MED13L: variants seen among roughly 807,000 people sequenced by gnomAD.
The protein encoded by MED13L is mediator of RNA polymerase II transcription subunit 13-like.
MED13L carries 7 observed loss-of-function variants against 220.9 expected under a neutral mutation model. The ratio of observed to expected loss-of-function variants is 0.03; its 90% CI spans 0.02 to 0.06. The LOEUF is 0.06. Ranked by LOEUF, MED13L falls within the 10% of genes least tolerant of loss-of-function variation. MED13L has a pLI of 1.00. For synonymous variants in MED13L, 1,011 were observed against 1,015.2 expected, an observed-to-expected ratio of 1.00 and a Z score of 0.08; for missense variants, 1,965 against 2,760.5, an observed-to-expected ratio of 0.71 and a Z score of 6.46.
chr12:116,031,290 T>C (rs1031533697), intron 4 of MED13L, among the ~76,000 whole-genome samples: 2 of 151,688 alleles, frequency 1.3e-5, no homozygotes, highest in South Asian at 2.1e-4. Flanking sequence ...GTATAAAAAT[T>C]AGAAAGGGGC....
chr12:116,105,865 T>C (rs1443045024), intron 3 of MED13L, among the ~76,000 whole-genome samples: 1 of 152,210 alleles, frequency 6.6e-6, no homozygotes, highest in Non-Finnish European at 1.5e-5. Context: ...GATGATACCT[T>C]GTTATGCATT....
At chr12:115,998,512 T>A (rs925175838) in intron 14 of MED13L, among the ~76,000 whole-genome samples, 2 of 152,226 alleles carry the variant, frequency 1.3e-5, no homozygotes, top group African/African-American at 4.8e-5. Context: ...ACTTCCCCCC[T>A]TGGGGCCTTG....
intron 2 of MED13L, among the ~76,000 whole-genome samples, chr12:116,184,616 T>A (rs929063433): frequency 4.6e-5 from 7 of 152,162 alleles, no homozygotes; most frequent in Non-Finnish European, 8.8e-5. Flanking sequence ...ATGTGAACAG[T>A]CTACGGAGAT....
chr12:115,979,685 T>C (rs1877192979), intron 23 of MED13L, among the ~76,000 whole-genome samples: 1 of 152,214 alleles, frequency 6.6e-6, no homozygotes, highest in Non-Finnish European at 1.5e-5. Context: ...CAACTAAAAA[T>C]AGCAATTGGT....
chr12:116,188,782 C>T (rs964638497), intron 2 of MED13L, among the ~76,000 whole-genome samples: 2 of 152,118 alleles, frequency 1.3e-5, no homozygotes, highest in Non-Finnish European at 2.9e-5. Flanking sequence ...TTTGCTGTAT[C>T]TTTGTCATTT....
At chr12:116,051,802 T>C (rs958594575) in intron 4 of MED13L, among the ~76,000 whole-genome samples, 1 of 152,214 alleles carries the variant, frequency 6.6e-6, no homozygotes, top group Non-Finnish European at 1.5e-5. Context: ...TTTCCACTTA[T>C]GACATCATGT....
chr12:116,219,769 AGT>A (rs1491161184), intron 2 of MED13L, among the ~76,000 whole-genome samples: 1 of 152,096 alleles, frequency 6.6e-6, no homozygotes, highest in East Asian at 1.9e-4. Context: ...TTCTTACCAA[AGT>A]AAGTTCAACT....
intron 3 of MED13L, among the ~76,000 whole-genome samples, chr12:116,097,429 AGCCATCATG>A (rs574050177): frequency 2.6e-3 from 403 of 152,290 alleles, no homozygotes; most frequent in African/African-American, 9.4e-3. Flanking sequence ...TATAGGTGTG[AGCCATCATG>A]CCCAGCCCAT....
chr12:116,054,173 T>TA (rs1485787838), intron 4 of MED13L, among the ~76,000 whole-genome samples: 2 of 151,524 alleles, frequency 1.3e-5, no homozygotes, highest in Admixed American at 6.6e-5. Context: ...TTCTACTACT[T>TA]AGAGTAATTT....
chr12:116,221,792 C>A (rs1024149570), intron 2 of MED13L, among the ~76,000 whole-genome samples: 3 of 152,048 alleles, frequency 2.0e-5, no homozygotes, highest in East Asian at 3.8e-4. Context: ...TCTGATCAAC[C>A]GATAATTAAG....
intron 2 of MED13L, among the ~76,000 whole-genome samples, chr12:116,161,645 C>A (rs1321129331): frequency 6.6e-6 from 1 of 152,074 alleles, no homozygotes; most frequent in Non-Finnish European, 1.5e-5. Flanking sequence ...TGCAAACAAG[C>A]AAAAGTTACT....
intron 1 of MED13L, among the ~76,000 whole-genome samples, chr12:116,243,017 G>A (rs1246159257): frequency 6.6e-6 from 1 of 152,098 alleles, no homozygotes; most frequent in Non-Finnish European, 1.5e-5. Context: ...GTCTTCCTGA[G>A]GTATTAAGAA....
At chr12:115,974,089 T>A (rs1264900198) in intron 25 of MED13L, among the ~76,000 whole-genome samples, 1 of 152,022 alleles carries the variant, frequency 6.6e-6, no homozygotes, top group Non-Finnish European at 1.5e-5. Context: ...CAAACTATGA[T>A]CCACAGGCCA....
intron 2 of MED13L, among the ~76,000 whole-genome samples, chr12:116,131,677 G>A (rs985443091): frequency 6.6e-5 from 10 of 152,104 alleles, no homozygotes; most frequent in Admixed American, 1.3e-4. Flanking sequence ...AAATCCCATT[G>A]CAATCACATT....
chr12:116,059,721 A>G (rs1292689922), intron 4 of MED13L, among the ~76,000 whole-genome samples: 1 of 152,044 alleles, frequency 6.6e-6, no homozygotes, highest in Non-Finnish European at 1.5e-5. Context: ...CCCACCCTAC[A>G]TAATTCTTTT....
intron 4 of MED13L, among the ~76,000 whole-genome samples, chr12:116,044,431 C>T (rs1000723971): frequency 6.6e-6 from 1 of 152,046 alleles, no homozygotes; most frequent in African/African-American, 2.4e-5. Flanking sequence ...CACTTCACAC[C>T]AACACAGAGA....
At chr12:116,030,040 C>A (rs1301973356) in intron 4 of MED13L, among the ~76,000 whole-genome samples, 3 of 152,154 alleles carry the variant, frequency 2.0e-5, no homozygotes, top group African/African-American at 7.2e-5. Context: ...ATGATCTCTG[C>A]TCACTGCAAC....
In MED13L at chr12:115,958,604, A is replaced by G. The variant is rs932818350; in HGVS notation, c.*2662T>C. 8 of 152,198 alleles carry G rather than the reference A, an allele frequency of 5.3e-5. No individual in the cohort carries two copies. The highest frequency in any genetic ancestry group is 6.5e-5 in the Admixed American group (1 of 15,274). The allele number at this position is 152,198 out of a possible 1,614,324, so 9.4% of individuals were successfully genotyped here. A position where few individuals can be genotyped will look rare whatever the true frequency, so the allele number is the denominator to read the frequency against. The stretch of plus-strand genomic sequence containing the variant: ...AGTAATTCAATAATTTATTCCTCTA[A>G]AAAAGTGTGTAAAAGTATATAGCTC... On this transcript the variant is annotated 3_prime_UTR_variant, in exon 31 of 31. Transcript: ENST00000281928.
chr12:116,249,315 GA>G (rs1009461855), intron 1 of MED13L, among the ~76,000 whole-genome samples: 6 of 151,990 alleles, frequency 3.9e-5, no homozygotes, highest in African/African-American at 1.4e-4. Flanking sequence ...TCAAGCCTCA[GA>G]AAAAAAGTAT....
Sources: gnomAD v4.1 joint callset for allele counts (sites outside exome capture counted in the v4.1 genomes callset) on GRCh38, gnomAD v4.1.1 for gene constraint, MANE v1.5 for transcripts, NCBI Gene and HGNC (gene_info 2026-07-23, HGNC 2026-07-21) for gene names.